ZZEF1: variants seen among roughly 807,000 people sequenced by gnomAD.
The protein encoded by ZZEF1 is zinc finger ZZ-type and EF-hand domain-containing protein 1.
Under a neutral mutation model 342.8 loss-of-function variants are expected in ZZEF1, and 157 were observed. That is an observed-to-expected ratio of 0.46 (90% confidence interval 0.40 to 0.52). The LOEUF is 0.52. Among genes scored for constraint, ZZEF1 ranks in the 20% least tolerant of loss-of-function variants. ZZEF1 has a pLI of 0.00. For missense variants in ZZEF1, 3,480 were observed against 3,725.6 expected (o/e 0.93, Z 1.72); for synonymous variants, 1,505 against 1,429.1 (o/e 1.05, Z -1.20).
chr17:4,090,933 T>C, intron 11 of ZZEF1, 103 bp from the exon 12 acceptor site: 1 of 835,898 alleles, frequency 1.2e-6, no homozygotes, highest in South Asian at 1.5e-5. Flanking sequence ...ATCTGTAGCC[T>C]GTCAGTGAAC....
intron 16 of ZZEF1, among the ~76,000 whole-genome samples, chr17:4,084,697 A>C (rs2057786856): frequency 6.6e-6 from 1 of 152,242 alleles, no homozygotes; most frequent in Non-Finnish European, 1.5e-5. Flanking sequence ...CTTTGTATAG[A>C]ATATTCCATT....
In ZZEF1 at chr17:4,034,299, A is replaced by G; in HGVS notation, c.6307-7T>C. On this transcript the variant is annotated splice_region_variant and splice_polypyrimidine_tract_variant and intron_variant, in intron 39 of 54. Coordinates refer to ENST00000381638, the MANE Select transcript of ZZEF1 (RefSeq NM_015113.4). Reference sequence around the variant, plus strand: ...TCAGGGGAACCGTGGGGCCCTGCCAAGAGAGGGAGAGAAATCTGTTCAGTA... The same window carrying G: ...TCAGGGGAACCGTGGGGCCCTGCCAGGAGAGGGAGAGAAATCTGTTCAGTA... 1 of 1,613,758 alleles carries G rather than the reference A, an allele frequency of 6.2e-7. No homozygotes were observed. The highest frequency in any genetic ancestry group is 1.3e-5 in the African/African-American group (1 of 75,036).
Position 4,087,433 on chromosome 17 carries a change from C to T in ZZEF1, c.2342+1G>A. 1 of 1,607,736 alleles carries T rather than the reference C, an allele frequency of 6.2e-7. No homozygotes were observed. The highest frequency in any genetic ancestry group is 8.5e-7 in the Non-Finnish European group (1 of 1,177,516). The stretch of plus-strand genomic sequence containing the variant: ...TCACCTTATAACAAATTCTGACCTA[C>T]TTTTGCTTTAATTTACTGTAAAAAT... On this transcript the variant is annotated splice_donor_variant, in intron 14 of 54. Transcript: ENST00000381638. LOFTEE classifies it high-confidence loss of function.
chr17:4,040,232 TGAGG>T (rs928236204), intron 39 of ZZEF1, among the ~76,000 whole-genome samples: 3 of 152,140 alleles, frequency 2.0e-5, no homozygotes, highest in African/African-American at 7.2e-5. Flanking sequence ...AAAAAGTACT[TGAGG>T]AAGTATTCTA....
At chr17:4,053,637 C>A (rs1183192058) in intron 34 of ZZEF1, among the ~76,000 whole-genome samples, 2 of 152,230 alleles carry the variant, frequency 1.3e-5, no homozygotes, top group Non-Finnish European at 2.9e-5. Context: ...ACAAAAAGGC[C>A]AGTCAGGTGT....
chr17:4,082,455 G>A lies in ZZEF1; in HGVS notation c.2696C>T (p.Ser899Leu). The A allele has an allele frequency of 1.2e-6, 2 of 1,614,148 alleles. No individual in the cohort carries two copies. The highest frequency in any genetic ancestry group is 1.1e-5 in the South Asian group (1 of 91,088). ...AGCTTACCTAAAATACGTGCACAGT[G>A]AACGGAAAGTGAGCTGCAGGGACTG... ...HKQSLQLTFR[S>L]LCTYFSDKDP... Residue 899 changes from serine to leucine, a missense_variant, in exon 17 of 55, where the codon TCA becomes TTA. Ser to Leu is a moderately radical substitution (Grantham distance 145). Transcript: ENST00000381638.
intron 9 of ZZEF1, 79 bp downstream of exon 9, chr17:4,102,238 T>C: frequency 7.6e-7 from 1 of 1,313,610 alleles, no homozygotes; most frequent in South Asian, 1.2e-5. Context: ...CCTCAAACAT[T>C]TCAAAGTCTG....
At chr17:4,035,009 C>CA (rs1446183586) in intron 39 of ZZEF1, among the ~76,000 whole-genome samples, 2 of 152,084 alleles carry the variant, frequency 1.3e-5, no homozygotes, top group Non-Finnish European at 2.9e-5. Context: ...AAAAAACAAA[C>CA]AACATGTCTG....
chr17:4,008,631 C>T lies in ZZEF1; in HGVS notation c.8805+252G>A, dbSNP rs2055863845. 1.7e-6 allele frequency: 2 copies of T among 1,204,548 alleles called. No homozygotes were observed. Among genetic ancestry groups the T allele is most frequent in the South Asian group, 3.3e-5 (1 of 30,458 alleles). The allele number at this position is 1,204,548 out of a possible 1,614,324, so 74.6% of individuals were successfully genotyped here. A position where few individuals can be genotyped will look rare whatever the true frequency, so the allele number is the denominator to read the frequency against. ...AGAATCAGCCAAACTAAATTTAAGG[C>T]ATCGGTTGTTTTGGTTTTAAAGACA... On this transcript the variant is annotated intron_variant, in intron 54 of 54. Coordinates refer to ENST00000381638, the MANE Select transcript of ZZEF1 (RefSeq NM_015113.4). The surrounding 1 kb of genome is among the most constrained non-coding windows in gnomAD (Gnocchi z 4.2).
chr17:4,007,561 A>G (rs1295751055), intron 54 of ZZEF1, among the ~76,000 whole-genome samples: 1 of 152,152 alleles, frequency 6.6e-6, no homozygotes, highest in East Asian at 1.9e-4. Flanking sequence ...AGGGGCAGCA[A>G]GAGGGACCCG....
Position 4,142,767 on chromosome 17 carries a change from C to G in ZZEF1, c.129G>C (p.Ala43=), listed in dbSNP as rs777672885. 3 of 1,441,586 alleles carry G rather than the reference C, an allele frequency of 2.1e-6. No individual in the cohort carries two copies. In the South Asian group the frequency reaches 4.3e-5, roughly 21 times the overall value. 89.3% of individuals were successfully genotyped at this position (1,441,586 alleles called of 1,614,324 possible). ...TTPGPGVAAP[A]LPPAAALLEP... ...CCAGCAGCGCCGCGGCGGGTGGTAG[C>G]GCTGGAGCCGCGACGCCCGGGCCGG... is the stretch of plus-strand genomic sequence containing the variant. Residue 43 remains alanine (A), a synonymous_variant, in exon 1 of 55, where the codon GCG becomes GCC. Transcript: ENST00000381638.
chr17:4,092,027 G>A (rs1198418521), intron 11 of ZZEF1, among the ~76,000 whole-genome samples: 1 of 150,168 alleles, frequency 6.7e-6, no homozygotes, highest in East Asian at 2.0e-4. Context: ...GGTGAGCCAA[G>A]ATCGTGCCAC....
chr17:4,115,991 T>C (rs979626018), intron 3 of ZZEF1, among the ~76,000 whole-genome samples: 1 of 152,210 alleles, frequency 6.6e-6, no homozygotes, highest in African/African-American at 2.4e-5. Context: ...AACTTTTTGA[T>C]CATCTGAAAT....
At chr17:4,037,415 G>A (rs1480988588) in intron 39 of ZZEF1, among the ~76,000 whole-genome samples, 1 of 152,194 alleles carries the variant, frequency 6.6e-6, no homozygotes, top group Non-Finnish European at 1.5e-5. Flanking sequence ...ATCTAATTAT[G>A]AGGAGACATC....
chr17:4,067,549 C>T (rs928234457), intron 26 of ZZEF1, among the ~76,000 whole-genome samples: 2 of 151,632 alleles, frequency 1.3e-5, no homozygotes, highest in Non-Finnish European at 2.9e-5. Flanking sequence ...AGAATATTAA[C>T]AGTGAGTAAA....
In ZZEF1 at chr17:4,021,365, G is replaced by C. The variant is rs1488492351; in HGVS notation, c.7213-45C>G. ...AGCTGAATGTGAGCACTCAGTGGGC[G>C]GGAAGATGGTACAGTCCTTTAATCA... On this transcript the variant is annotated intron_variant, in intron 44 of 54. Coordinates refer to ENST00000381638, the MANE Select transcript of ZZEF1 (RefSeq NM_015113.4). 3 of 1,508,548 alleles carry C rather than the reference G, an allele frequency of 2.0e-6. No individual in the cohort carries two copies. The Admixed American group carries it at 5.6e-5, about 28-fold the overall frequency. The allele number at this position is 1,508,548 out of a possible 1,614,324, so 93.4% of individuals were successfully genotyped here. A position where few individuals can be genotyped will look rare whatever the true frequency, so the allele number is the denominator to read the frequency against.
chr17:4,017,201 G>T lies in ZZEF1; in HGVS notation c.8001+170C>A, dbSNP rs1024358937. 1.4e-5 allele frequency: 13 copies of T among 946,306 alleles called. No individual in the cohort carries two copies. In the African/African-American group the frequency reaches 1.5e-4, roughly 11 times the overall value. The allele number at this position is 946,306 out of a possible 1,614,324, so 58.6% of individuals were successfully genotyped here. On this transcript the variant is annotated intron_variant, in intron 48 of 54. Coordinates refer to ENST00000381638, the MANE Select transcript of ZZEF1 (RefSeq NM_015113.4). The surrounding 1 kb of genome is among the most constrained non-coding windows in gnomAD (Gnocchi z 5.1). Reference sequence around the variant, plus strand: ...CTCAGGGCCCCTGAGTTCCTCACTAGCCCAATCCTTGGGAGAGGATACAGT... The same window carrying T: ...CTCAGGGCCCCTGAGTTCCTCACTATCCCAATCCTTGGGAGAGGATACAGT...
intron 2 of ZZEF1, among the ~76,000 whole-genome samples, chr17:4,117,456 G>T (rs541977607): frequency 1.8e-4 from 28 of 151,994 alleles, no homozygotes; most frequent in Non-Finnish European, 3.4e-4. Context: ...TATCAGCCTG[G>T]CCAACATGGT....
In ZZEF1 at chr17:4,006,028, T is replaced by C. The variant is rs1055614907; in HGVS notation, c.*862A>G. 1 of 152,178 alleles carries C rather than the reference T, an allele frequency of 6.6e-6. No homozygotes were observed. Among genetic ancestry groups the C allele is most frequent in the Non-Finnish European group, 1.5e-5 (1 of 68,046 alleles). 9.4% of individuals were successfully genotyped at this position (152,178 alleles called of 1,614,324 possible). A position where few individuals can be genotyped will look rare whatever the true frequency, so the allele number is the denominator to read the frequency against. ...TGACTATCAAGCAGAAATAAAATTA[T>C]GTGGGTTTTTACTCTTAAAATAAGA... On this transcript the variant is annotated 3_prime_UTR_variant, in exon 55 of 55. Coordinates refer to ENST00000381638, the MANE Select transcript of ZZEF1 (RefSeq NM_015113.4).
Sources: gnomAD v4.1 joint callset for allele counts (sites outside exome capture counted in the v4.1 genomes callset) on GRCh38, gnomAD v4.1.1 for gene constraint, Gnocchi (gnomAD v3.1) non-coding constraint, MANE v1.5 for transcripts, NCBI Gene and HGNC (gene_info 2026-07-23, HGNC 2026-07-21) for gene names.